Variants in ARID1B observed in about 807,000 individuals in gnomAD.
ARID1B encodes AT-rich interactive domain-containing protein 1B.
Under a neutral mutation model 212.3 loss-of-function variants are expected in ARID1B, and 30 were observed. The observed-to-expected ratio is 0.14, with a 90% CI of 0.11 to 0.19. The LOEUF is 0.19. Ranked by LOEUF, ARID1B falls within the 10% of genes least tolerant of loss-of-function variation. The probability of loss-of-function intolerance (pLI) is 1.00; values close to 1 mark genes in which losing one functional copy is unlikely to be tolerated. For synonymous variants in ARID1B, 1,402 were observed against 1,301.7 expected (o/e 1.08, Z -1.66); for missense variants, 2,891 against 3,204.0 (o/e 0.90, Z 2.36).
At chr6:156,965,342 A>G (rs1794669185) in intron 4 of ARID1B, among the ~76,000 whole-genome samples, 1 of 152,186 alleles carries the variant, frequency 6.6e-6, no homozygotes, top group African/African-American at 2.4e-5. Context: ...TCATGAAGGC[A>G]CCTGTCTTCC....
At chr6:157,046,015 A>G (rs1193038046) in intron 4 of ARID1B, among the ~76,000 whole-genome samples, 1 of 152,192 alleles carries the variant, frequency 6.6e-6, no homozygotes, top group Admixed American at 6.5e-5. Flanking sequence ...TTTTGTTAGA[A>G]AATTTCCCAG....
intron 3 of ARID1B, among the ~76,000 whole-genome samples, chr6:156,926,245 C>T (rs1791208437): frequency 1.3e-5 from 2 of 152,034 alleles, no homozygotes; most frequent in Non-Finnish European, 2.9e-5. Flanking sequence ...CTTTGGGAAC[C>T]TAGGGGAAAA....
chr6:156,901,497 A>C lies in ARID1B; in HGVS notation c.2108A>C (p.Gln703Pro). Residue 703 changes from glutamine to proline, a missense_variant, in exon 3 of 20, where the codon CAG (glutamine) becomes CCG (proline). By Grantham distance (76) the Gln-to-Pro change is moderately conservative (BLOSUM62 -1). This residue lies in a region of ARID1B where 1,643 missense variants were observed against 1,544.0 expected (regional missense o/e 1.06). Coordinates refer to ENST00000636930, the MANE Select transcript of ARID1B (RefSeq NM_001374828.1). Reference sequence around the variant, plus strand: ...CCCCAGGCGCAGTATCTGCCGTCCCAGTCCCAGCAGAGGTACCAGCCGCAG... The same window carrying C: ...CCCCAGGCGCAGTATCTGCCGTCCCCGTCCCAGCAGAGGTACCAGCCGCAG... The part of the protein sequence containing the change: ...LPPQAQYLPS[Q>P]SQQRYQPQQD... 6.2e-7 allele frequency: 1 copy of C among 1,613,832 alleles called. No individual in the cohort carries two copies. The highest frequency in any genetic ancestry group is 8.5e-7 in the Non-Finnish European group (1 of 1,179,970).
At chr6:157,014,037 G>A (rs776558211) in intron 4 of ARID1B, among the ~76,000 whole-genome samples, 4 of 152,178 alleles carry the variant, frequency 2.6e-5, no homozygotes, top group Non-Finnish European at 4.4e-5. Context: ...GTGACTCAGC[G>A]TATAAACCTG....
chr6:156,905,140 G>A (rs1406399129), intron 3 of ARID1B, among the ~76,000 whole-genome samples: 1 of 151,560 alleles, frequency 6.6e-6, no homozygotes, highest in Non-Finnish European at 1.5e-5. Flanking sequence ...AAAATCCTTT[G>A]TATATTAGGG....
chr6:156,882,503 TC>T (rs1403862718), intron 2 of ARID1B, among the ~76,000 whole-genome samples: 1 of 152,164 alleles, frequency 6.6e-6, no homozygotes, highest in African/African-American at 2.4e-5. Context: ...GTGTTTGAAA[TC>T]CATTTGGGAA....
In ARID1B at chr6:157,200,964, G is replaced by A. The variant is rs1305457851; in HGVS notation, c.4739G>A (p.Ser1580Asn). The A allele has an allele frequency of 1.2e-6, 2 of 1,614,120 alleles. No individual in the cohort carries two copies. Among genetic ancestry groups the A allele is most frequent in the Non-Finnish European group, 1.7e-6 (2 of 1,180,008 alleles). ...MMGGPLQSSS[S>N]EGPQQNMWAA... ...GGCGGCCCGCTGCAGTCGTCCTCCAGTGAGGGGCCTCAGCAGAATATGTGG... is the reference window on the plus strand; with the variant it reads ...GGCGGCCCGCTGCAGTCGTCCTCCAATGAGGGGCCTCAGCAGAATATGTGG... The change falls in exon 18 of 20, where the codon AGT (serine) becomes AAT (asparagine). Residue 1580 changes from serine to asparagine, a missense_variant. Ser to Asn is a conservative substitution (Grantham distance 46). Transcript: ENST00000636930. This position sits in a 1 kb window ranked among gnomAD's most constrained non-coding sequence, Gnocchi z 4.3.
intron 7 of ARID1B, among the ~76,000 whole-genome samples, chr6:157,134,226 T>C (rs1296679535): frequency 6.6e-6 from 1 of 152,220 alleles, no homozygotes; most frequent in African/African-American, 2.4e-5. Context: ...AGTCACCTTT[T>C]TACCTGCTGG....
intron 1 of ARID1B, among the ~76,000 whole-genome samples, chr6:156,784,823 G>T (rs1280330546): frequency 6.6e-6 from 1 of 152,118 alleles, no homozygotes. Flanking sequence ...GCAGTGGCGC[G>T]ATCTTGGCTC....
chr6:157,018,134 A>C (rs550655764), intron 4 of ARID1B, among the ~76,000 whole-genome samples: 88 of 151,996 alleles, frequency 5.8e-4, no homozygotes, highest in Non-Finnish European at 9.9e-4. Context: ...CATGTCTCTA[A>C]ATAAAAGTAA....
chr6:156,893,942 G>A (rs1788165041), intron 2 of ARID1B, among the ~76,000 whole-genome samples: 1 of 152,148 alleles, frequency 6.6e-6, no homozygotes, highest in Admixed American at 6.5e-5. Flanking sequence ...TTCTCGGAAT[G>A]TACCCCAAGA....
chr6:157,166,240 T>C (rs1433144697), intron 8 of ARID1B: 3 of 152,230 alleles, frequency 2.0e-5, no homozygotes, highest in Non-Finnish European at 4.4e-5. Flanking sequence ...GTGACAGTTA[T>C]CTGCTTCAAA....
At chr6:156,791,438 A>G (rs954041573) in intron 1 of ARID1B, among the ~76,000 whole-genome samples, 1 of 152,182 alleles carries the variant, frequency 6.6e-6, no homozygotes, top group Admixed American at 6.5e-5. Context: ...CTTGTTGGGC[A>G]TCATGCCAAG....
At chr6:156,954,815 C>A (rs1793842934) in intron 4 of ARID1B, among the ~76,000 whole-genome samples, 1 of 152,198 alleles carries the variant, frequency 6.6e-6, no homozygotes. Context: ...GTTACTTTAA[C>A]TATTTCCCCC....
At chr6:157,084,107 C>A (rs1175821903) in intron 4 of ARID1B, among the ~76,000 whole-genome samples, 1 of 150,448 alleles carries the variant, frequency 6.6e-6, no homozygotes, top group Non-Finnish European at 1.5e-5. Flanking sequence ...ACACTCCAGC[C>A]TGGGCGACAA....
rs1583064328 is a variant in ARID1B at position 156,977,052 on chromosome 6, ATCCTGGAATTCTT to A, written c.2247+41478_2247+41490del. On this transcript the variant is annotated intron_variant, in intron 4 of 19. Transcript: ENST00000636930. ...AAGATGAAAACACACAGCAGGGAAA[ATCCTGGAATTCTT>A]TTTCTAGGGATGTAATACATATTTA... 9.7e-6 allele frequency: 4 copies of A among 412,560 alleles called. No individual in the cohort carries two copies. In the East Asian group the frequency reaches 2.5e-4, roughly 26 times the overall value. The allele number at this position is 412,560 out of a possible 1,614,324, so 25.6% of individuals were successfully genotyped here. A position where few individuals can be genotyped will look rare whatever the true frequency, so the allele number is the denominator to read the frequency against.
At chr6:157,041,892 C>T (rs1781904045) in intron 4 of ARID1B, among the ~76,000 whole-genome samples, 1 of 152,198 alleles carries the variant, frequency 6.6e-6, no homozygotes, top group Non-Finnish European at 1.5e-5. Flanking sequence ...AACGACACAC[C>T]CAGATCTAGC....
At chr6:156,790,644 G>A (rs913864454) in intron 1 of ARID1B, among the ~76,000 whole-genome samples, 2 of 152,074 alleles carry the variant, frequency 1.3e-5, no homozygotes, top group African/African-American at 2.4e-5. Context: ...GACTTTGCTG[G>A]GTGTGGAAAT....
intron 3 of ARID1B, among the ~76,000 whole-genome samples, chr6:156,908,884 G>A (rs1789624975): frequency 6.6e-6 from 1 of 151,998 alleles, no homozygotes; most frequent in Admixed American, 6.5e-5. Flanking sequence ...TTGATTTTGT[G>A]AAAGTTTTAT....
Sources: allele counts gnomAD v4.1 joint callset (sites outside exome capture counted in the v4.1 genomes callset), GRCh38; gene constraint gnomAD v4.1.1; regional missense constraint gnomAD v4.1.1; non-coding constraint Gnocchi (gnomAD v3.1); transcripts MANE v1.5; gene names NCBI Gene and HGNC (gene_info 2026-07-23, HGNC 2026-07-21).